ORC3: variants seen among roughly 807,000 people sequenced by gnomAD.
ORC3 encodes the protein origin recognition complex subunit 3.
ORC3 carries 78 observed loss-of-function variants against 100.7 expected under a neutral mutation model. That is an observed-to-expected ratio of 0.77 (90% confidence interval 0.65 to 0.94). The LOEUF (loss-of-function observed/expected upper bound fraction) is 0.94. ORC3 is among the 40% of genes least tolerant of loss of function. The probability of loss-of-function intolerance (pLI) is 0.00; values close to 1 mark genes in which losing one functional copy is unlikely to be tolerated. For missense variants in ORC3, 789 were observed against 823.9 expected (o/e 0.96, Z 0.52); for synonymous variants, 295 against 289.3 (o/e 1.02, Z -0.20).
intron 13 of ORC3, among the ~76,000 whole-genome samples, chr6:87,642,955 TAAATA>T (rs1768393575): frequency 6.6e-6 from 1 of 151,390 alleles, no homozygotes; most frequent in African/African-American, 2.4e-5. Context: ...AAAATAGAAA[TAAATA>T]AAATAATATA....
At chr6:87,629,883 A>C (rs1767256686) in intron 11 of ORC3, among the ~76,000 whole-genome samples, 1 of 152,180 alleles carries the variant, frequency 6.6e-6, no homozygotes, top group Non-Finnish European at 1.5e-5. Context: ...AAGACATGCT[A>C]TCAGTGAATG....
At chr6:87,594,929 A>G (rs1411545363) in intron 2 of ORC3, among the ~76,000 whole-genome samples, 1 of 152,232 alleles carries the variant, frequency 6.6e-6, no homozygotes, top group East Asian at 1.9e-4. Flanking sequence ...ATTATTTTTG[A>G]GTTAAAATAC....
chr6:87,663,080 A>C lies in ORC3; in HGVS notation c.1769A>C (p.His590Pro). Residue 590 changes from histidine to proline, a missense_variant, in exon 17 of 20, where the codon CAT becomes CCT. By Grantham distance (77) the His-to-Pro change is moderately conservative. Coordinates refer to ENST00000392844, the MANE Select transcript of ORC3 (RefSeq NM_012381.4). ...AGTGCTGCCCATGCCCTTCGTGAGC[A>C]TTTAAATGCTGCTCCGCGAATTGCC... The part of the protein sequence containing the change: ...YFSAAHALRE[H>P]LNAAPRIALH... 1 of 1,613,078 alleles carries C rather than the reference A, an allele frequency of 6.2e-7. No homozygotes were observed. The highest frequency in any genetic ancestry group is 8.5e-7 in the Non-Finnish European group (1 of 1,179,222).
chr6:87,646,229 G>T (rs1014631106), intron 13 of ORC3, among the ~76,000 whole-genome samples: 12 of 151,846 alleles, frequency 7.9e-5, no homozygotes, highest in Non-Finnish European at 1.8e-4. Flanking sequence ...CTCATGATCC[G>T]CCCGCCTCGG....
Position 87,624,213 on chromosome 6 carries a change from G to T in ORC3, c.1185+2200G>T, listed in dbSNP as rs139186845. 8.5e-5 allele frequency among the ~76,000 whole-genome samples: 13 copies of T among 152,302 alleles called. No individual in the cohort carries two copies. In the East Asian group the frequency reaches 2.5e-3, roughly 29 times the overall value. ...AAATGAATGTTTTAGGCCAGGCACGGTGGCTCACTCCTGTAATCCCAGCAT... is the reference window on the plus strand; with the variant it reads ...AAATGAATGTTTTAGGCCAGGCACGTTGGCTCACTCCTGTAATCCCAGCAT... On this transcript the variant is annotated intron_variant, in intron 11 of 19. Transcript: ENST00000392844.
chr6:87,611,781 GA>G (rs1262893551), intron 7 of ORC3, among the ~76,000 whole-genome samples: 79 of 135,684 alleles, frequency 5.8e-4, no homozygotes, highest in Admixed American at 5.2e-4. Flanking sequence ...GACTCCATCT[GA>G]AAAAAAAAAA....
the ORC3 span, chr6:87,675,802 C>T: frequency 6.6e-7 from 1 of 1,523,904 alleles, no homozygotes; most frequent in Non-Finnish European, 9.0e-7. Context: ...ATTATAATGT[C>T]TTCTCCTTAA....
At position 87,632,525 on chromosome 6, in the gene ORC3, T is replaced by C. The variant is rs780541812; in HGVS notation, c.1186-2320T>C. Among the ~76,000 whole-genome samples, 3 of 152,300 alleles carry C rather than the reference T, an allele frequency of 2.0e-5. No individual in the cohort carries two copies. In the South Asian group the frequency reaches 6.2e-4, roughly 32 times the overall value. On this transcript the variant is annotated intron_variant, in intron 11 of 19. Transcript: ENST00000392844. ...TTCCTCAGTTGAGCACCAGATGATA[T>C]AGTCTGCCATGTTGTATGGAACAAA...
chr6:87,618,072 A>G lies in ORC3; in HGVS notation c.987+1645A>G, dbSNP rs1583053611. Among the ~76,000 whole-genome samples the G allele has an allele frequency of 3.3e-5, 5 of 152,342 alleles. 1 individual carries two copies. The South Asian group carries it at 1.0e-3, about 32-fold the overall frequency. On this transcript the variant is annotated intron_variant, in intron 9 of 19. Transcript: ENST00000392844. ...ACTCATAAATACTTGTCAAGAACCT[A>G]TTGTCAACCAAGCACTATGCTGAAC...
At chr6:87,618,416 C>CAAAA (rs10687033) in intron 9 of ORC3, among the ~76,000 whole-genome samples, 11 of 140,630 alleles carry the variant, frequency 7.8e-5, no homozygotes, top group Middle Eastern at 7.0e-3. Flanking sequence ...GGCTCCATCT[C>CAAAA]AAAAAAAAAA....
intron 5 of ORC3, among the ~76,000 whole-genome samples, chr6:87,607,179 C>A (rs1778403931): frequency 6.6e-6 from 1 of 151,908 alleles, no homozygotes; most frequent in Admixed American, 6.6e-5. Flanking sequence ...GCTTGTAATC[C>A]CAGCACTTTG....
At chr6:87,646,127 C>T (rs974551348) in intron 13 of ORC3, among the ~76,000 whole-genome samples, 4 of 151,870 alleles carry the variant, frequency 2.6e-5, no homozygotes, top group African/African-American at 7.2e-5. Flanking sequence ...GCCGGGACTA[C>T]AGGCGCCTGC....
At chr6:87,597,686 C>T (rs865980455) in intron 2 of ORC3, among the ~76,000 whole-genome samples, 103 of 138,522 alleles carry the variant, frequency 7.4e-4, no homozygotes, top group Middle Eastern at 3.4e-3. Flanking sequence ...TATATACACA[C>T]ACACACACAC....
chr6:87,617,313 T>C (rs911731612), intron 9 of ORC3, among the ~76,000 whole-genome samples: 1 of 152,208 alleles, frequency 6.6e-6, no homozygotes. Context: ...TTTAGCTTCA[T>C]GATATATGCT....
the ORC3 span, among the ~76,000 whole-genome samples, chr6:87,673,553 G>A: frequency 6.6e-6 from 1 of 152,066 alleles, no homozygotes. Flanking sequence ...TTAAAAGGGG[G>A]TAGAATTGGC....
rs2307370 is a variant in ORC3, at chr6:87,663,073, C to T, written c.1762C>T (p.Arg588Cys). The change falls in exon 17 of 20, where the codon CGT (arginine) becomes TGT (cysteine). Residue 588 changes from arginine to cysteine, a missense_variant. Around this residue, in one of 3 missense-constraint regions of ORC3, gnomAD observed 366 missense variants for 394.2 expected, o/e 0.93. Coordinates refer to ENST00000392844, the MANE Select transcript of ORC3 (RefSeq NM_012381.4). ...VVYFSAAHAL[R>C]EHLNAAPRIA... ...GTACTTCAGTGCTGCCCATGCCCTT[C>T]GTGAGCATTTAAATGCTGCTCCGCG... The T allele has an allele frequency of 4.4e-5, 71 of 1,611,970 alleles. No individual in the cohort carries two copies. In the African/African-American group the frequency reaches 7.9e-4, roughly 18 times the overall value.
At chr6:87,676,464 A>AAG in the ORC3 span, among the ~76,000 whole-genome samples, 1 of 141,370 alleles carries the variant, frequency 7.1e-6, no homozygotes, top group East Asian at 2.1e-4. Flanking sequence ...AAAAAAAAAA[A>AAG]AAAAAAACGA....
rs116033709 is a variant in ORC3 at position 87,595,889 on chromosome 6, G to A, written c.79+1482G>A. ...CAGTCTGTCACCCAGGCTTCAGTTC[G>A]GCGGCCTGATCATAGCTCACTTCAG... is the stretch of plus-strand genomic sequence containing the variant. On this transcript the variant is annotated intron_variant, in intron 2 of 19. Transcript: ENST00000392844. 3.8e-3 allele frequency among the ~76,000 whole-genome samples: 583 copies of A among 152,146 alleles called. 8 individuals are homozygous for A. Among genetic ancestry groups the A allele is most frequent in the African/African-American group, 0.014 (565 of 41,502 alleles).
chr6:87,622,311 C>T lies in ORC3; in HGVS notation c.1185+298C>T, dbSNP rs1477452950. On this transcript the variant is annotated intron_variant, in intron 11 of 19. Transcript: ENST00000392844. Reference sequence around the variant, plus strand: ...ATCTGCTATGTGAATCTTTTTCCACCTAGCAGTTTTGGAATCTGCCAGCAA... The same window carrying T: ...ATCTGCTATGTGAATCTTTTTCCACTTAGCAGTTTTGGAATCTGCCAGCAA... 3.9e-5 allele frequency among the ~76,000 whole-genome samples: 6 copies of T among 152,152 alleles called. No homozygotes were observed. In the East Asian group the frequency reaches 9.6e-4, roughly 24 times the overall value.
Sources: gnomAD v4.1 joint callset for allele counts (sites outside exome capture counted in the v4.1 genomes callset) on GRCh38, gnomAD v4.1.1 for gene constraint, gnomAD v4.1.1 regional missense constraint, MANE v1.5 for transcripts, NCBI Gene and HGNC (gene_info 2026-07-23, HGNC 2026-07-21) for gene names.